Variants in MEIOB observed in about 807,000 individuals in gnomAD.
MEIOB encodes the protein meiosis-specific with OB domain-containing protein.
In MEIOB, 50 loss-of-function variants were observed where a neutral mutation model predicts 53.1. The ratio of observed to expected loss-of-function variants is 0.94; its 90% CI spans 0.75 to 1.19. The LOEUF (loss-of-function observed/expected upper bound fraction) is 1.19, where lower values mean the gene tolerates loss of function less well. Among genes scored for constraint, MEIOB ranks in the 50% most tolerant of loss-of-function variants. The pLI is 0.00. For missense variants in MEIOB, 551 were observed against 550.8 expected (o/e 1.00, Z 0.00); for synonymous variants, 192 against 182.5 (o/e 1.05, Z -0.42).
At chr16:1,837,752 T>C (rs1351047825) in intron 13 of MEIOB, 32 bp downstream of exon 13, 18 of 1,070,844 alleles carry the variant, frequency 1.7e-5, no homozygotes, top group Non-Finnish European at 2.3e-5. Flanking sequence ...AATAAATATA[T>C]AGAATAATAT....
rs766461476 is a variant in MEIOB, at chr16:1,839,235, T to A, written c.1218+20A>T. The A allele has an allele frequency of 6.4e-7, 1 of 1,555,850 alleles. No individual in the cohort carries two copies. The highest frequency in any genetic ancestry group is 1.2e-5 in the South Asian group (1 of 82,984). ...TCACTTTGGAAATATTCTAAACATT[T>A]CTTCCTTTTTGCTATTTACCGTGCA... is the stretch of plus-strand genomic sequence containing the variant. On this transcript the variant is annotated intron_variant, in intron 12 of 13. Coordinates refer to ENST00000325962, the MANE Select transcript of MEIOB (RefSeq NM_001163560.3).
chr16:1,857,719 C>A lies in MEIOB; in HGVS notation c.528+16G>T. The A allele has an allele frequency of 6.5e-7, 1 of 1,548,622 alleles. No homozygotes were observed. Among genetic ancestry groups the A allele is most frequent in the South Asian group, 1.2e-5 (1 of 83,236 alleles). On this transcript the variant is annotated intron_variant, in intron 6 of 13. Coordinates refer to ENST00000325962, the MANE Select transcript of MEIOB (RefSeq NM_001163560.3). The stretch of plus-strand genomic sequence containing the variant: ...CCTGCCAGATTGCACTTGGCTTTGT[C>A]GGGGTTTTAACTTACCGATTTCACA...
chr16:1,850,918 CA>C (rs534010879), intron 9 of MEIOB, among the ~76,000 whole-genome samples: 1 of 151,148 alleles, frequency 6.6e-6, no homozygotes, highest in Non-Finnish European at 1.5e-5. Flanking sequence ...GAGACTGTCT[CA>C]AAAAAAATAA....
chr16:1,865,650 TAG>T (rs1362031977), intron 3 of MEIOB, 126 bp downstream of exon 3: 1 of 654,308 alleles, frequency 1.5e-6, no homozygotes, highest in Non-Finnish European at 2.6e-6. Flanking sequence ...GACCATCCAA[TAG>T]AGAGCATGAC....
At chr16:1,859,852 T>A (rs1049691141) in intron 5 of MEIOB, among the ~76,000 whole-genome samples, 2 of 151,844 alleles carry the variant, frequency 1.3e-5, no homozygotes, top group Non-Finnish European at 2.9e-5. Context: ...GTTTGGGGAG[T>A]GGATGGACTA....
chr16:1,844,736 C>T (rs906437768), intron 10 of MEIOB, 126 bp downstream of exon 10: 1 of 561,136 alleles, frequency 1.8e-6, no homozygotes, highest in Non-Finnish European at 3.2e-6. Context: ...TTTAAGCTAC[C>T]TTTAGAAAGT....
chr16:1,842,162 T>G (rs1319552861), intron 10 of MEIOB, among the ~76,000 whole-genome samples, 189 bp from the exon 11 acceptor site: 2 of 151,992 alleles, frequency 1.3e-5, no homozygotes, highest in Non-Finnish European at 2.9e-5. Flanking sequence ...AAAAAGGAAA[T>G]GAAATTAGTC....
chr16:1,868,187 G>A lies in MEIOB; in HGVS notation c.-9-3C>T. On this transcript the variant is annotated splice_region_variant and splice_polypyrimidine_tract_variant and intron_variant, in intron 1 of 13. Coordinates refer to ENST00000325962, the MANE Select transcript of MEIOB (RefSeq NM_001163560.3). ...AAGGAGTTTGCCATTTTTTTAATCTGCATTTTAGAAAATATAATTTAGATA... is the reference window on the plus strand; with the variant it reads ...AAGGAGTTTGCCATTTTTTTAATCTACATTTTAGAAAATATAATTTAGATA... The A allele has an allele frequency of 3.5e-6, 5 of 1,446,162 alleles. No homozygotes were observed. The highest frequency in any genetic ancestry group is 4.7e-6 in the Non-Finnish European group (5 of 1,058,526). The allele number at this position is 1,446,162 out of a possible 1,614,324, so 89.6% of individuals were successfully genotyped here. A position where few individuals can be genotyped will look rare whatever the true frequency, so the allele number is the denominator to read the frequency against.
chr16:1,843,314 TAATA>T (rs1272561196), intron 10 of MEIOB: 5 of 146,966 alleles, frequency 3.4e-5, no homozygotes, highest in African/African-American at 5.0e-5. Flanking sequence ...TAAAAAAAAA[TAATA>T]AATAAATAAA....
chr16:1,841,206 T>A (rs1351609761), intron 11 of MEIOB: 1 of 151,764 alleles, frequency 6.6e-6, no homozygotes, highest in Non-Finnish European at 1.5e-5. Context: ...TTAGTAGAGA[T>A]GGTGTTTCGC....
intron 3 of MEIOB, among the ~76,000 whole-genome samples, chr16:1,865,351 G>A (rs140171353): frequency 0.01 from 1,591 of 151,536 alleles, 24 homozygotes; most frequent in African/African-American, 0.037. Flanking sequence ...AGAATCGATT[G>A]AACCCAGGAG....
rs760575931 is a variant in MEIOB at position 1,857,755 on chromosome 16, C to T, written c.508G>A (p.Val170Met). 4.5e-6 allele frequency: 7 copies of T among 1,551,456 alleles called. No individual in the cohort carries two copies. Among genetic ancestry groups the T allele is most frequent in the East Asian group, 2.4e-5 (1 of 40,898 alleles). ...GHSLNGRIIN[V>M]LAAVKSVGEP... Reference sequence around the variant, plus strand: ...CTTACCGATTTCACAGCTGCAAGCACGTTAATAATCCTCCCATTAAGACTG... The same window carrying T: ...CTTACCGATTTCACAGCTGCAAGCATGTTAATAATCCTCCCATTAAGACTG... Residue 170 changes from valine (V) to methionine (M), a missense_variant, in exon 6 of 14, where the codon GTG (valine) becomes ATG (methionine). By Grantham distance (21) the Val-to-Met change is conservative. Coordinates refer to ENST00000325962, the MANE Select transcript of MEIOB (RefSeq NM_001163560.3).
intron 6 of MEIOB, among the ~76,000 whole-genome samples, chr16:1,857,002 T>C (rs1899325570): frequency 6.6e-6 from 1 of 152,128 alleles, no homozygotes; most frequent in Non-Finnish European, 1.5e-5. Context: ...GCTCAAGTGA[T>C]CCCTCTGCCT....
chr16:1,860,595 C>T, intron 4 of MEIOB, 120 bp from the exon 5 acceptor site: 1 of 622,328 alleles, frequency 1.6e-6, no homozygotes, highest in South Asian at 2.0e-5. Context: ...AAAAATTCCT[C>T]ACCTCATTCA....
At chr16:1,841,313 C>G (rs541055119) in intron 11 of MEIOB, among the ~76,000 whole-genome samples, 3 of 152,076 alleles carry the variant, frequency 2.0e-5, no homozygotes, top group Admixed American at 1.3e-4. Context: ...CCACCGTGCC[C>G]GGCCTGCAGT....
chr16:1,837,939 T>C, intron 12 of MEIOB, 69 bp from the exon 13 acceptor site: 1 of 1,455,450 alleles, frequency 6.9e-7, no homozygotes, highest in Non-Finnish European at 9.1e-7. Context: ...TTGACAACAG[T>C]GTGAAACAAA....
chr16:1,842,864 G>A (rs1239534449), intron 10 of MEIOB, among the ~76,000 whole-genome samples: 2 of 148,972 alleles, frequency 1.3e-5, no homozygotes, highest in East Asian at 4.1e-4. Flanking sequence ...GGTTTTCACC[G>A]TGTTAGCCAG....
At chr16:1,849,438 C>G (rs1372130962) in intron 9 of MEIOB, among the ~76,000 whole-genome samples, 1 of 150,348 alleles carries the variant, frequency 6.7e-6, no homozygotes, top group Non-Finnish European at 1.5e-5. Flanking sequence ...CCCAGCTACT[C>G]GGGAGGCTGA....
At chr16:1,854,250 T>C in intron 6 of MEIOB, 50 bp from the exon 7 acceptor site, 2 of 1,078,146 alleles carry the variant, frequency 1.9e-6, no homozygotes. Flanking sequence ...TAGAAGTTCT[T>C]AAGTATTTGT....
Sources: allele counts gnomAD v4.1 joint callset (sites outside exome capture counted in the v4.1 genomes callset), GRCh38; gene constraint gnomAD v4.1.1; transcripts MANE v1.5; gene names NCBI Gene and HGNC (gene_info 2026-07-23, HGNC 2026-07-21).